Variants in ANO3 observed in about 807,000 individuals in gnomAD.
ANO3 encodes anoctamin 3, also known as anoctamin-3.
ANO3 carries 99 observed loss-of-function variants against 144.8 expected under a neutral mutation model. That is an observed-to-expected ratio of 0.68 (90% CI 0.58 to 0.81). The LOEUF (loss-of-function observed/expected upper bound fraction) is 0.81, where lower values mean the gene tolerates loss of function less well. ANO3 is among the 30% of genes least tolerant of loss of function. The probability of loss-of-function intolerance (pLI) is 0.00; values close to 1 mark genes in which losing one functional copy is unlikely to be tolerated. For synonymous variants in ANO3, 414 were observed against 392.6 expected, an observed-to-expected ratio of 1.05 and a Z score of -0.64; for missense variants, 905 against 1,202.2, an observed-to-expected ratio of 0.75 and a Z score of 3.66.
intron 23 of ANO3, among the ~76,000 whole-genome samples, chr11:26,647,371 T>G (rs116923590): frequency 0.013 from 1,946 of 152,324 alleles, 20 homozygotes; most frequent in Non-Finnish European, 0.019. Context: ...TGAAGATTCT[T>G]ATGTACTATT....
chr11:26,214,985 T>C (rs1395438123), intron 1 of ANO3, among the ~76,000 whole-genome samples: 2 of 151,900 alleles, frequency 1.3e-5, no homozygotes, highest in Admixed American at 6.6e-5. Flanking sequence ...TAGACCAGGA[T>C]TATGTATTTT....
chr11:26,425,987 G>A (rs183276570), intron 1 of ANO3, among the ~76,000 whole-genome samples: 1,758 of 152,106 alleles, frequency 0.012, 18 homozygotes, highest in Non-Finnish European at 0.019. Context: ...TACTTTTCCC[G>A]TGTAGTCTTA....
At chr11:26,405,576 C>T (rs1857256746) in intron 1 of ANO3, among the ~76,000 whole-genome samples, 1 of 151,752 alleles carries the variant, frequency 6.6e-6, no homozygotes, top group African/African-American at 2.4e-5. Flanking sequence ...GCATGGCTAC[C>T]CTCTATAAAT....
intron 1 of ANO3, among the ~76,000 whole-genome samples, chr11:26,285,117 T>C (rs1482105267): frequency 2.0e-5 from 3 of 151,954 alleles, no homozygotes; most frequent in East Asian, 3.9e-4. Flanking sequence ...TTAATTATGG[T>C]AAGGTTAGTA....
intron 1 of ANO3, among the ~76,000 whole-genome samples, chr11:26,243,022 ACT>A (rs1458691436): frequency 6.6e-6 from 1 of 152,008 alleles, no homozygotes. Flanking sequence ...GCCCCCAAAT[ACT>A]CTGATTTCCT....
intron 1 of ANO3, among the ~76,000 whole-genome samples, chr11:26,405,736 A>T (rs191147640): frequency 6.6e-6 from 1 of 151,912 alleles, no homozygotes; most frequent in South Asian, 2.1e-4. Flanking sequence ...TGTGCAGGTT[A>T]TATCAGTAGT....
intron 10 of ANO3, 102 bp downstream of exon 10, chr11:26,537,563 T>C: frequency 9.8e-7 from 1 of 1,021,462 alleles, no homozygotes. Flanking sequence ...CCCAGGAGGA[T>C]TCAGTCTGCA....
At chr11:26,270,501 T>C (rs1853416246) in intron 1 of ANO3, among the ~76,000 whole-genome samples, 1 of 152,216 alleles carries the variant, frequency 6.6e-6, no homozygotes, top group African/African-American at 2.4e-5. Context: ...AATCTCTCTC[T>C]TTTTACATTT....
chr11:26,193,770 T>C (rs962498150), intron 1 of ANO3, among the ~76,000 whole-genome samples: 3 of 152,200 alleles, frequency 2.0e-5, no homozygotes, highest in East Asian at 1.9e-4. Flanking sequence ...TGAATACTTA[T>C]AATAATTGAA....
At chr11:26,346,913 A>AT (rs1351349482) in intron 1 of ANO3, among the ~76,000 whole-genome samples, 1 of 152,208 alleles carries the variant, frequency 6.6e-6, no homozygotes, top group African/African-American at 2.4e-5. Context: ...ACACTTACAA[A>AT]TTTGAAAGCA....
At chr11:26,317,326 C>A (rs1015899573) in intron 1 of ANO3, among the ~76,000 whole-genome samples, 1 of 151,884 alleles carries the variant, frequency 6.6e-6, no homozygotes, top group Non-Finnish European at 1.5e-5. Flanking sequence ...GAGCAGGCAA[C>A]CTACAGAATG....
rs753927900 is a variant in ANO3 at position 26,534,528 on chromosome 11, A to T, written c.942A>T (p.Glu314Asp). The T allele has an allele frequency of 1.9e-6, 3 of 1,612,862 alleles. No individual in the cohort carries two copies. Among genetic ancestry groups the T allele is most frequent in the Non-Finnish European group, 2.5e-6 (3 of 1,179,324 alleles). ...GCAGAATAGTCTATCACATGCTGGA[A>T]CGCACCAAATATGAAAATGGAATAT... ...TRSRIVYHML[E>D]RTKYENGISK... The change falls in exon 9 of 27, where the codon GAA (glutamate) becomes GAT (aspartate). Residue 314 changes from glutamate to aspartate, a missense_variant. Around this residue, in one of 4 missense-constraint regions of ANO3, gnomAD observed 597 missense variants for 865.1 expected, o/e 0.69. Transcript: ENST00000256737.
At chr11:26,315,685 C>T (rs573599307) in intron 1 of ANO3, among the ~76,000 whole-genome samples, 8 of 142,268 alleles carry the variant, frequency 5.6e-5, no homozygotes, top group Non-Finnish European at 1.1e-4. Context: ...ATCTATCTAT[C>T]CATCTATCTA....
chr11:26,236,817 C>CAAAA (rs55979503), intron 1 of ANO3, among the ~76,000 whole-genome samples: 7 of 86,692 alleles, frequency 8.1e-5, no homozygotes, highest in East Asian at 6.7e-4. Context: ...GACTCCGTCT[C>CAAAA]AAAAAAAAAA....
At chr11:26,590,374 G>A (rs1411879559) in intron 14 of ANO3, among the ~76,000 whole-genome samples, 1 of 152,194 alleles carries the variant, frequency 6.6e-6, no homozygotes, top group Non-Finnish European at 1.5e-5. Context: ...TGAGGCCTAA[G>A]GAGTGTTAGT....
chr11:26,253,201 C>T (rs548060215), intron 1 of ANO3, among the ~76,000 whole-genome samples: 2 of 152,308 alleles, frequency 1.3e-5, no homozygotes, highest in African/African-American at 4.8e-5. Context: ...TAATGCTTTA[C>T]ATGACAAAAG....
At chr11:26,481,459 A>G (rs1471831453) in intron 4 of ANO3, among the ~76,000 whole-genome samples, 1 of 152,180 alleles carries the variant, frequency 6.6e-6, no homozygotes, top group Non-Finnish European at 1.5e-5. Flanking sequence ...CACAGGTGGG[A>G]TTTTTGGGAG....
At chr11:26,281,652 G>A (rs1853681896) in intron 1 of ANO3, among the ~76,000 whole-genome samples, 1 of 152,106 alleles carries the variant, frequency 6.6e-6, no homozygotes, top group African/African-American at 2.4e-5. Flanking sequence ...AACAGGTACA[G>A]GTGCAATTAA....
In ANO3 at chr11:26,532,159, A is replaced by T. The variant is rs142951711; in HGVS notation, c.869+823A>T. On this transcript the variant is annotated intron_variant, in intron 8 of 26. Transcript: ENST00000256737. ...TTCCAGACCACCAAACATGTAACAT[A>T]GCCATCAATCAATGGGAAACCCTCC... Among the ~76,000 whole-genome samples the T allele has an allele frequency of 4.5e-3, 693 of 152,326 alleles. 2 individuals carry two copies. The highest frequency in any genetic ancestry group is 0.016 in the African/African-American group (663 of 41,568).
Sources: gnomAD v4.1 joint callset for allele counts (sites outside exome capture counted in the v4.1 genomes callset) on GRCh38, gnomAD v4.1.1 for gene constraint, gnomAD v4.1.1 regional missense constraint, MANE v1.5 for transcripts, NCBI Gene and HGNC (gene_info 2026-07-23, HGNC 2026-07-21) for gene names.